DCT: variants seen among roughly 807,000 people sequenced by gnomAD.
DCT encodes the protein dopachrome tautomerase.
A neutral mutation model predicts 53.0 loss-of-function variants in DCT; 47 were observed. That is an observed-to-expected ratio of 0.89 (90% CI 0.70 to 1.13). The LOEUF is 1.13. DCT is among the 50% of genes most tolerant of loss of function. The pLI is 0.00. For missense variants in DCT, 669 were observed against 637.4 expected (o/e 1.05, Z -0.53); for synonymous variants, 244 against 237.0 (o/e 1.03, Z -0.27).
the DCT span, among the ~76,000 whole-genome samples, chr13:94,533,587 C>A: frequency 6.6e-6 from 1 of 152,150 alleles, no homozygotes; most frequent in Non-Finnish European, 1.5e-5. Context: ...GAGTTCGAGA[C>A]CAGCCTGGCC....
At chr13:94,478,805 A>G (rs1468365661) in intron 1 of DCT, among the ~76,000 whole-genome samples, 156 bp downstream of exon 1, 1 of 152,264 alleles carries the variant, frequency 6.6e-6, no homozygotes, top group Non-Finnish European at 1.5e-5. Context: ...AAACCAGCAC[A>G]TCAGCCTTAT....
the DCT span, among the ~76,000 whole-genome samples, chr13:94,543,057 C>T: frequency 6.6e-6 from 1 of 152,098 alleles, no homozygotes; most frequent in Non-Finnish European, 1.5e-5. Flanking sequence ...TATTAAGGGG[C>T]CTCTAACCGG....
intron 6 of DCT, chr13:94,445,738 AGTT>A (rs754527174): frequency 6.3e-7 from 1 of 1,588,322 alleles, no homozygotes; most frequent in East Asian, 2.3e-5. Context: ...CAGGGAAGGG[AGTT>A]CCTTGGTCGC....
chr13:94,533,851 T>C, the DCT span, among the ~76,000 whole-genome samples: 126 of 152,312 alleles, frequency 8.3e-4, 1 homozygote, highest in South Asian at 6.0e-3. Context: ...CAGTAGGTCA[T>C]TGAAAAAGTT....
At chr13:94,472,332 C>A (rs1322246974) in intron 1 of DCT, among the ~76,000 whole-genome samples, 1 of 151,404 alleles carries the variant, frequency 6.6e-6, no homozygotes, top group Admixed American at 6.6e-5. Flanking sequence ...AGGGGGTTGG[C>A]AACTCTCTGT....
At chr13:94,475,273 A>G (rs1291051078) in intron 1 of DCT, among the ~76,000 whole-genome samples, 1 of 152,244 alleles carries the variant, frequency 6.6e-6, no homozygotes, top group African/African-American at 2.4e-5. Context: ...TGAGATTCAA[A>G]GAAAAAGACC....
chr13:94,512,850 T>C, the DCT span, among the ~76,000 whole-genome samples: 1 of 152,066 alleles, frequency 6.6e-6, no homozygotes, highest in Non-Finnish European at 1.5e-5. Flanking sequence ...TCCAGACCCA[T>C]GAGAACTTCA....
the DCT span, among the ~76,000 whole-genome samples, chr13:94,492,352 G>T: frequency 6.6e-6 from 1 of 152,192 alleles, no homozygotes; most frequent in African/African-American, 2.4e-5. Flanking sequence ...AGTTGAAGGT[G>T]GTTGGGTCTT....
the DCT span, among the ~76,000 whole-genome samples, chr13:94,527,987 C>T: frequency 1.1e-4 from 16 of 152,150 alleles, no homozygotes; most frequent in East Asian, 1.9e-4. Flanking sequence ...AACTTCGTGA[C>T]GCATGCACAA....
Position 94,462,004 on chromosome 13 carries a change from A to G in DCT, c.1043+6T>C. On this transcript the variant is annotated splice_donor_region_variant and intron_variant, in intron 5 of 7. Coordinates refer to ENST00000377028, the MANE Select transcript of DCT (RefSeq NM_001922.5). Reference sequence around the variant, plus strand: ...AGGCAGGTCCAGCAGAGCTCAGAGCACCCACCTGAAACTGAAGGTAGAGTT... The same window carrying G: ...AGGCAGGTCCAGCAGAGCTCAGAGCGCCCACCTGAAACTGAAGGTAGAGTT... 1 of 1,612,540 alleles carries G rather than the reference A, an allele frequency of 6.2e-7. No individual in the cohort carries two copies. Among genetic ancestry groups the G allele is most frequent in the Non-Finnish European group, 8.5e-7 (1 of 1,179,268 alleles).
At chr13:94,472,552 A>T (rs1200772470) in intron 1 of DCT, among the ~76,000 whole-genome samples, 2 of 24,980 alleles carry the variant, frequency 8.0e-5, no homozygotes, top group African/African-American at 2.0e-4. Flanking sequence ...ATATATATAT[A>T]TATATATATA....
intron 5 of DCT, among the ~76,000 whole-genome samples, chr13:94,461,361 C>T (rs868752465): frequency 2.0e-5 from 3 of 152,088 alleles, no homozygotes; most frequent in Non-Finnish European, 4.4e-5. Context: ...TACATACCAC[C>T]ACACCTGGCT....
intron 1 of DCT, among the ~76,000 whole-genome samples, chr13:94,478,089 TGATGTCCG>T (rs1594328538): frequency 6.6e-6 from 1 of 152,062 alleles, no homozygotes; most frequent in Non-Finnish European, 1.5e-5. Flanking sequence ...GCAAATTTTG[TGATGTCCG>T]GTTCAAGTCC....
At chr13:94,498,149 A>G in the DCT span, among the ~76,000 whole-genome samples, 45,798 of 152,112 alleles carry the variant, frequency 0.3, 7,123 homozygotes, top group Middle Eastern at 0.35. Flanking sequence ...TGGTGTGTCA[A>G]GAATTGCATG....
chr13:94,519,253 G>A, the DCT span, among the ~76,000 whole-genome samples: 6 of 152,156 alleles, frequency 3.9e-5, 1 homozygote, highest in South Asian at 1.2e-3. Flanking sequence ...ACTTTCCTAG[G>A]TTATAATTTT....
At chr13:94,518,061 A>G in the DCT span, among the ~76,000 whole-genome samples, 15 of 148,906 alleles carry the variant, frequency 1.0e-4, no homozygotes, top group African/African-American at 3.9e-4. Context: ...TGGGCAATAA[A>G]GAAAAGAAAA....
At chr13:94,468,543 A>C in intron 2 of DCT, 1 of 573,466 alleles carries the variant, frequency 1.7e-6, no homozygotes, top group East Asian at 2.9e-5. Flanking sequence ...GAGAACATTT[A>C]AAGTGTCTGC....
the DCT span, among the ~76,000 whole-genome samples, chr13:94,525,215 T>G: frequency 6.6e-6 from 1 of 152,118 alleles, no homozygotes; most frequent in Admixed American, 6.5e-5. Flanking sequence ...ATTCTTCTGC[T>G]TCAGCCTCCC....
At chr13:94,482,823 G>C (rs1885503866), upstream of DCT, among the ~76,000 whole-genome samples, 1 of 152,064 alleles carries the variant, frequency 6.6e-6, no homozygotes, top group Non-Finnish European at 1.5e-5. Flanking sequence ...TTCATATTAG[G>C]TTTTATTAAA....
Sources: gnomAD v4.1 joint callset for allele counts (sites outside exome capture counted in the v4.1 genomes callset) on GRCh38, gnomAD v4.1.1 for gene constraint, MANE v1.5 for transcripts, NCBI Gene and HGNC (gene_info 2026-07-23, HGNC 2026-07-21) for gene names.